IFT80: variants seen among roughly 807,000 people sequenced by gnomAD.
IFT80 encodes the protein intraflagellar transport protein 80 homolog.
IFT80 carries 79 observed loss-of-function variants against 107.9 expected under a neutral mutation model. The observed-to-expected ratio is 0.73, with a 90% CI of 0.61 to 0.88. The LOEUF (loss-of-function observed/expected upper bound fraction) is 0.88. Among genes scored for constraint, IFT80 ranks in the 40% least tolerant of loss-of-function variants. The pLI, the probability that IFT80 is intolerant of heterozygous loss-of-function variation, is 0.00. For synonymous variants in IFT80, 299 were observed against 300.9 expected (o/e 0.99, Z 0.07); for missense variants, 797 against 914.2 (o/e 0.87, Z 1.65).
intron 8 of IFT80, among the ~76,000 whole-genome samples, chr3:160,328,118 A>G (rs1484291921): frequency 6.6e-6 from 1 of 152,192 alleles, no homozygotes; most frequent in Non-Finnish European, 1.5e-5. Flanking sequence ...AGAAATGCAA[A>G]TCAAAACCAC....
chr3:160,270,518 GGTCA>G (rs1405444279), intron 18 of IFT80, among the ~76,000 whole-genome samples: 3 of 151,908 alleles, frequency 2.0e-5, no homozygotes, highest in African/African-American at 4.8e-5. Context: ...GAAATCCAAG[GGTCA>G]GTATTTGCTA....
intron 18 of IFT80, among the ~76,000 whole-genome samples, chr3:160,270,329 A>G (rs1713700173): frequency 6.6e-6 from 1 of 152,212 alleles, no homozygotes. Flanking sequence ...ATCAAACTAA[A>G]TAGTCACTTT....
intron 1 of IFT80, among the ~76,000 whole-genome samples, chr3:160,391,913 G>C (rs1228953954): frequency 6.6e-6 from 1 of 152,180 alleles, no homozygotes; most frequent in African/African-American, 2.4e-5. Flanking sequence ...CTAATGCAGG[G>C]AATTATCTTG....
chr3:160,268,292 TA>T, intron 19 of IFT80, 120 bp downstream of exon 19: 1 of 869,274 alleles, frequency 1.2e-6, no homozygotes, highest in Non-Finnish European at 1.8e-6. Flanking sequence ...AGGCAAAAAG[TA>T]ATTCTTTTAG....
At position 160,335,131 on chromosome 3, in the gene IFT80, T is replaced by C. The variant is rs116357199; in HGVS notation, c.778-15192A>G. Among the ~76,000 whole-genome samples, 479 of 150,670 alleles carry C rather than the reference T, an allele frequency of 3.2e-3. 2 individuals carry two copies. Among genetic ancestry groups the C allele is most frequent in the African/African-American group, 0.011 (460 of 41,106 alleles). On this transcript the variant is annotated intron_variant, in intron 8 of 19. Coordinates refer to ENST00000326448, the MANE Select transcript of IFT80 (RefSeq NM_020800.3). The stretch of plus-strand genomic sequence containing the variant: ...GTCTTACCCCAGGATCTCCTTTAAT[T>C]AGCCAAAAAAATCCTCTTTTTTTTT...
At chr3:160,363,657 G>GAGATA (rs1300520308) in intron 6 of IFT80, among the ~76,000 whole-genome samples, 1 of 152,114 alleles carries the variant, frequency 6.6e-6, no homozygotes, top group Non-Finnish European at 1.5e-5. Flanking sequence ...TACCAAAACA[G>GAGATA]AGATACACAG....
chr3:160,290,734 T>C (rs1174293460), intron 12 of IFT80, among the ~76,000 whole-genome samples: 1 of 152,116 alleles, frequency 6.6e-6, no homozygotes, highest in Non-Finnish European at 1.5e-5. Context: ...CTAATTTTTT[T>C]GTATTTTTAG....
chr3:160,363,277 T>C (rs1355284633), intron 6 of IFT80, among the ~76,000 whole-genome samples: 1 of 151,926 alleles, frequency 6.6e-6, no homozygotes, highest in Non-Finnish European at 1.5e-5. Context: ...GCTACACAGA[T>C]ACTAAAATAC....
chr3:160,327,063 C>T (rs2108310748), intron 8 of IFT80, among the ~76,000 whole-genome samples: 1 of 152,198 alleles, frequency 6.6e-6, no homozygotes, highest in South Asian at 2.1e-4. Flanking sequence ...CATGAATGAA[C>T]TCCCATTCAC....
chr3:160,280,324 G>A (rs974354500), intron 15 of IFT80, among the ~76,000 whole-genome samples: 2 of 152,152 alleles, frequency 1.3e-5, no homozygotes, highest in Non-Finnish European at 2.9e-5. Context: ...CTGTGACAGC[G>A]TTGGGTAGTT....
In IFT80 at chr3:160,349,454, G is replaced by GA. The variant is rs1038899220; in HGVS notation, c.777+6558dup. 9.0e-4 allele frequency among the ~76,000 whole-genome samples: 121 copies of GA among 134,354 alleles called. No homozygotes were observed. The East Asian group carries it at 0.017, about 19-fold the overall frequency. 88.1% of individuals were successfully genotyped at this position (134,354 alleles called of 152,430 possible). On this transcript the variant is annotated intron_variant, in intron 8 of 19. Transcript: ENST00000326448. ...ACAGAGCTAGACTCCCTCTCAAAAAGAAAAAAAAAAAGGAACACTGCACCT... is the reference window on the plus strand; with the variant it reads ...ACAGAGCTAGACTCCCTCTCAAAAAGAAAAAAAAAAAAGGAACACTGCACCT...
chr3:160,345,085 G>T (rs1004470122), intron 8 of IFT80, among the ~76,000 whole-genome samples: 1 of 152,132 alleles, frequency 6.6e-6, no homozygotes, highest in African/African-American at 2.4e-5. Context: ...CAATCCCACT[G>T]CTAGGTATAC....
Position 160,300,926 on chromosome 3 carries a change from C to T in IFT80, c.1272G>A (p.Leu424=). ...TDILNAQTVS[L]SNDTIAIRDK... is the part of the protein sequence containing the mutation. ...CTCTTATTGCTATGGTATCATTACTCAAAGACACAGTCTGTGCATTCAGAA... is the reference window on the plus strand; with the variant it reads ...CTCTTATTGCTATGGTATCATTACTTAAAGACACAGTCTGTGCATTCAGAA... Residue 424 remains leucine (L), a synonymous_variant, in exon 12 of 20, where the codon TTG becomes TTA. Coordinates refer to ENST00000326448, the MANE Select transcript of IFT80 (RefSeq NM_020800.3). 1 of 1,610,574 alleles carries T rather than the reference C, an allele frequency of 6.2e-7. No homozygotes were observed. Among genetic ancestry groups the T allele is most frequent in the Non-Finnish European group, 8.5e-7 (1 of 1,178,336 alleles).
At chr3:160,358,412 T>C (rs1721257033) in intron 6 of IFT80, among the ~76,000 whole-genome samples, 1 of 152,246 alleles carries the variant, frequency 6.6e-6, no homozygotes, top group African/African-American at 2.4e-5. Context: ...ATTCACTTTA[T>C]CTTCATGTGT....
At position 160,376,483 on chromosome 3, in the gene IFT80, A is replaced by G. The variant is rs758224721; in HGVS notation, c.371-603T>C. 3.9e-4 allele frequency among the ~76,000 whole-genome samples: 60 copies of G among 152,230 alleles called. 1 individual carries two copies. The highest frequency in any genetic ancestry group is 1.3e-4 in the Non-Finnish European group (9 of 68,032). ...TAAAGATACAAGTAAGAGAAGGGCC[A>G]ATTCACTGAGGAAAGTCCTAGAGAA... On this transcript the variant is annotated intron_variant, in intron 4 of 19. Transcript: ENST00000326448.
rs1028349681 is a variant in IFT80, at chr3:160,258,407, C to T, written c.*118G>A. The T allele has an allele frequency of 5.0e-6, 6 of 1,200,392 alleles. No homozygotes were observed. The highest frequency in any genetic ancestry group is 2.6e-5 in the South Asian group (2 of 77,376). 74.4% of individuals were successfully genotyped at this position (1,200,392 alleles called of 1,614,324 possible). A position where few individuals can be genotyped will look rare whatever the true frequency, so the allele number is the denominator to read the frequency against. ...ATGTACTTTTACACTAAATACACAGCAAGTACTTATACTCGGTTAAAGATT... is the reference window on the plus strand; with the variant it reads ...ATGTACTTTTACACTAAATACACAGTAAGTACTTATACTCGGTTAAAGATT... On this transcript the variant is annotated 3_prime_UTR_variant, in exon 20 of 20. Transcript: ENST00000326448.
chr3:160,393,272 A>C (rs865999265), intron 1 of IFT80, among the ~76,000 whole-genome samples: 4 of 152,244 alleles, frequency 2.6e-5, no homozygotes, highest in African/African-American at 9.6e-5. Context: ...ACTCTGAAAT[A>C]CTATCAAAAA....
chr3:160,308,346 G>A (rs1716978389), intron 9 of IFT80, among the ~76,000 whole-genome samples: 1 of 151,996 alleles, frequency 6.6e-6, no homozygotes, highest in Admixed American at 6.6e-5. Context: ...GTCTAAAAAA[G>A]CCAAGCAGCA....
rs1236368633 is a variant in IFT80 at position 160,388,685 on chromosome 3, CTAA to C, written c.-46-4042_-46-4040del. ...GAAAACGTTAGGTAGCTAAAAAGAA[CTAA>C]TGTTTCATATGGAAAGTAAATTTCA... On this transcript the variant is annotated intron_variant, in intron 1 of 19. Coordinates refer to ENST00000326448, the MANE Select transcript of IFT80 (RefSeq NM_020800.3). Among the ~76,000 whole-genome samples, 5 of 151,164 alleles carry C rather than the reference CTAA, an allele frequency of 3.3e-5. No individual in the cohort carries two copies. In the East Asian group the frequency reaches 5.8e-4, roughly 18 times the overall value.
Sources: allele counts gnomAD v4.1 joint callset (sites outside exome capture counted in the v4.1 genomes callset), GRCh38; gene constraint gnomAD v4.1.1; transcripts MANE v1.5; gene names NCBI Gene and HGNC (gene_info 2026-07-23, HGNC 2026-07-21).